The following NINL variants were observed in gnomAD, a reference collection of about 807,000 sequenced individuals.
NINL encodes the protein ninein-like protein.
NINL carries 153 observed loss-of-function variants against 160.3 expected under a neutral mutation model. The ratio of observed to expected loss-of-function variants is 0.95; its 90% CI spans 0.84 to 1.09. The LOEUF (loss-of-function observed/expected upper bound fraction) is 1.09, where lower values mean the gene tolerates loss of function less well. NINL is among the 50% of genes least tolerant of loss of function. NINL has a pLI of 0.00. For synonymous variants in NINL, 800 were observed against 734.8 expected (o/e 1.09, Z -1.43); for missense variants, 1,829 against 1,764.0 (o/e 1.04, Z -0.66).
At chr20:25,555,969 C>A (rs2064861021) in intron 1 of NINL, among the ~76,000 whole-genome samples, 1 of 139,208 alleles carries the variant, frequency 7.2e-6, no homozygotes, top group Non-Finnish European at 1.5e-5. Context: ...GCCACCATGC[C>A]CGGCTTATTT....
chr20:25,511,964 C>G (rs547761724), intron 4 of NINL, among the ~76,000 whole-genome samples: 1 of 152,298 alleles, frequency 6.6e-6, no homozygotes, highest in South Asian at 2.1e-4. Flanking sequence ...GAACCAGGAA[C>G]CTTTTGGAAT....
chr20:25,565,095 C>T (rs1259088815), intron 1 of NINL, among the ~76,000 whole-genome samples: 1 of 152,182 alleles, frequency 6.6e-6, no homozygotes, highest in African/African-American at 2.4e-5. Context: ...CCAAAAGCCT[C>T]ACCAGATTCT....
intron 5 of NINL, among the ~76,000 whole-genome samples, chr20:25,510,332 G>T (rs1030165572): frequency 2.6e-5 from 4 of 152,256 alleles, no homozygotes; most frequent in Non-Finnish European, 4.4e-5. Flanking sequence ...ACAGGGCCAA[G>T]CAAGGCCCTC....
At chr20:25,468,685 C>T (rs1431639427) in intron 18 of NINL, among the ~76,000 whole-genome samples, 1 of 144,258 alleles carries the variant, frequency 6.9e-6, no homozygotes, top group African/African-American at 2.6e-5. Context: ...TGCCCTGTCC[C>T]CTGTCACTGG....
chr20:25,487,356 A>G (rs433352), intron 13 of NINL, among the ~76,000 whole-genome samples: 71,703 of 151,960 alleles, frequency 0.47, 17,601 homozygotes, highest in East Asian at 0.92. Flanking sequence ...GTGGATGCAT[A>G]TGACTTATCT....
intron 8 of NINL, chr20:25,498,880 C>G (rs1356818912): frequency 1.0e-6 from 1 of 982,610 alleles, no homozygotes; most frequent in African/African-American, 1.8e-5. Flanking sequence ...GAAGAATACA[C>G]TAATAAACTT....
intron 19 of NINL, 35 bp from the exon 20 acceptor site, chr20:25,462,576 A>T: frequency 1.3e-6 from 2 of 1,555,682 alleles, no homozygotes; most frequent in Non-Finnish European, 1.7e-6. Flanking sequence ...ATAAGAAAAA[A>T]ATGTTTTTAA....
intron 23 of NINL, among the ~76,000 whole-genome samples, chr20:25,454,265 C>T (rs1388885073): frequency 2.6e-5 from 4 of 152,136 alleles, no homozygotes; most frequent in African/African-American, 7.2e-5. Flanking sequence ...TCTGCGTATG[C>T]GCTACTGGCT....
At chr20:25,468,235 T>G (rs754914397) in intron 18 of NINL, among the ~76,000 whole-genome samples, 8 of 151,320 alleles carry the variant, frequency 5.3e-5, no homozygotes, top group Non-Finnish European at 1.0e-4. Context: ...CGCTGATGGA[T>G]GCCCCCTGCT....
At position 25,517,810 on chromosome 20, in the gene NINL, A is replaced by T. The variant is rs1371524858; in HGVS notation, c.220T>A (p.Leu74Met). The T allele has an allele frequency of 6.2e-7, 1 of 1,609,374 alleles. No individual in the cohort carries two copies. ...GGGCGAACACCAGCATTTGAAGACA[A>T]CACAGCCACAAAACCTTCCTTAAAT... is the stretch of plus-strand genomic sequence containing the variant. ...EEFKEGFVAV[L>M]SSNAGVRPSD... The change falls in exon 3 of 24, where the codon TTG becomes ATG. Residue 74 changes from leucine to methionine, a missense_variant. Transcript: ENST00000278886.
chr20:25,468,666 G>C (rs1292425181), intron 18 of NINL, among the ~76,000 whole-genome samples: 2 of 142,556 alleles, frequency 1.4e-5, no homozygotes, highest in Non-Finnish European at 3.0e-5. Context: ...TCACTGGTGG[G>C]TGCCCCTCTG....
chr20:25,462,833 G>C (rs1289149213), intron 19 of NINL: 1 of 283,526 alleles, frequency 3.5e-6, no homozygotes, highest in African/African-American at 2.3e-5. Context: ...TTTGTTTTTT[G>C]GTCGAGACAG....
chr20:25,540,477 T>C (rs1248887580), intron 1 of NINL, among the ~76,000 whole-genome samples: 1 of 152,080 alleles, frequency 6.6e-6, no homozygotes, highest in Non-Finnish European at 1.5e-5. Flanking sequence ...GACGAGGGAA[T>C]TTAAGCTATG....
rs540996889 is a variant in NINL at position 25,476,232 on chromosome 20, C to T, written c.3059G>A (p.Gly1020Glu). Residue 1020 changes from glycine to glutamate, a missense_variant, in exon 17 of 24, where the codon GGG (glycine) becomes GAG (glutamate). Coordinates refer to ENST00000278886, the MANE Select transcript of NINL (RefSeq NM_025176.6). ...GAGCTGGAGGTGGGATGGCAAGGACCCTCTCCTGGCAACCTCCACACTGTG... is the reference window on the plus strand; with the variant it reads ...GAGCTGGAGGTGGGATGGCAAGGACTCTCTCCTGGCAACCTCCACACTGTG... ...HKHSVEVARR[G>E]SLPSHLQLAD... The T allele has an allele frequency of 2.5e-6, 4 of 1,614,046 alleles. No homozygotes were observed. In the South Asian group the frequency reaches 4.4e-5, roughly 18 times the overall value.
At position 25,498,345 on chromosome 20, in the gene NINL, C is replaced by T; in HGVS notation, c.1034G>A (p.Ser345Asn). Residue 345 changes from serine (S) to asparagine (N), a missense_variant and splice_region_variant, in exon 9 of 24, where the codon AGC (serine) becomes AAC (asparagine). Ser to Asn is a conservative substitution (Grantham distance 46). Coordinates refer to ENST00000278886, the MANE Select transcript of NINL (RefSeq NM_025176.6). ...CTTCTCGTCCACGCTGAAGTCCAGG[C>T]TCTGGAAGCAGCAAGCCTGGTAAGC... ...GIQNGREILQSLDFSVDEKVN... is the reference protein window; with the variant it reads ...GIQNGREILQNLDFSVDEKVN... 6.2e-7 allele frequency: 1 copy of T among 1,612,556 alleles called. No homozygotes were observed. Among genetic ancestry groups the T allele is most frequent in the Non-Finnish European group, 8.5e-7 (1 of 1,179,972 alleles).
rs183847900 is a variant in NINL, at chr20:25,571,119, G to A, written c.-12+14336C>T. On this transcript the variant is annotated intron_variant, in intron 1 of 23. Coordinates refer to ENST00000278886, the MANE Select transcript of NINL (RefSeq NM_025176.6). ...TAAGTAAGCCCCGATGGCTGGCTGGGTGAGGATGCCACAGCTTGCTACGAC... is the reference window on the plus strand; with the variant it reads ...TAAGTAAGCCCCGATGGCTGGCTGGATGAGGATGCCACAGCTTGCTACGAC... Among the ~76,000 whole-genome samples, 268 of 152,296 alleles carry A rather than the reference G, an allele frequency of 1.8e-3. 2 individuals are homozygous for A. The highest frequency in any genetic ancestry group is 0.014 in the Middle Eastern group (4 of 294).
chr20:25,559,328 C>T (rs187636508), intron 1 of NINL, among the ~76,000 whole-genome samples: 74 of 152,032 alleles, frequency 4.9e-4, no homozygotes, highest in East Asian at 4.1e-3. Flanking sequence ...GCAACCTCCA[C>T]CTCCCAGGTT....
intron 1 of NINL, among the ~76,000 whole-genome samples, chr20:25,582,036 T>C (rs2065180222): frequency 6.6e-6 from 1 of 151,984 alleles, no homozygotes; most frequent in South Asian, 2.1e-4. Context: ...GCGGGGTGGA[T>C]CACGAGGTCA....
intron 21 of NINL, among the ~76,000 whole-genome samples, chr20:25,461,132 C>T (rs894782533): frequency 6.6e-5 from 10 of 152,214 alleles, no homozygotes; most frequent in South Asian, 2.1e-4. Flanking sequence ...CACCCGGAGG[C>T]GTGTACAGAG....
Sources: gnomAD v4.1 joint callset for allele counts (sites outside exome capture counted in the v4.1 genomes callset) on GRCh38, gnomAD v4.1.1 for gene constraint, MANE v1.5 for transcripts, NCBI Gene and HGNC (gene_info 2026-07-23, HGNC 2026-07-21) for gene names.